The following PXK variants were observed in gnomAD, a reference collection of about 807,000 sequenced individuals.
The protein encoded by PXK is PX domain-containing protein kinase-like protein.
In PXK, 35 loss-of-function variants were observed where a neutral mutation model predicts 84.7. The ratio of observed to expected loss-of-function variants is 0.41; its 90% CI spans 0.32 to 0.55. PXK has a LOEUF of 0.55. Ranked by LOEUF, PXK falls within the 20% of genes least tolerant of loss-of-function variation. The pLI, the probability that PXK is intolerant of heterozygous loss-of-function variation, is 0.21. For synonymous variants in PXK, 253 were observed against 260.8 expected (o/e 0.97, Z 0.29); for missense variants, 634 against 699.7 (o/e 0.91, Z 1.06).
At chr3:58,359,842 T>A (rs114483250) in intron 1 of PXK, among the ~76,000 whole-genome samples, 2,156 of 152,260 alleles carry the variant, frequency 0.014, 63 homozygotes, top group African/African-American at 0.049. Flanking sequence ...TTGCATTAGC[T>A]TATTGCTTAA....
rs1356696685 is a variant in PXK at position 58,370,247 on chromosome 3, T to G, written c.201+769T>G. Among the ~76,000 whole-genome samples the G allele has an allele frequency of 2.0e-5, 3 of 152,210 alleles. No homozygotes were observed. The highest frequency in any genetic ancestry group is 2.9e-5 in the Non-Finnish European group (2 of 68,028). On this transcript the variant is annotated intron_variant, in intron 3 of 17. Coordinates refer to ENST00000356151, the MANE Select transcript of PXK (RefSeq NM_017771.5). The surrounding 1 kb of genome is among the most constrained non-coding windows in gnomAD (Gnocchi z 4.2). ...TCCTAAATATGTAGTTAGAAATCCC[T>G]TTGTTTTAAATGTTCCTAACTTGAG...
chr3:58,363,385 C>T (rs978990089), intron 1 of PXK, among the ~76,000 whole-genome samples: 2 of 152,150 alleles, frequency 1.3e-5, no homozygotes, highest in African/African-American at 4.8e-5. Flanking sequence ...GGCTGGAGTG[C>T]GGGTGCCAAC....
intron 13 of PXK, among the ~76,000 whole-genome samples, chr3:58,406,676 G>C (rs1331187147): frequency 6.6e-6 from 1 of 152,060 alleles, no homozygotes; most frequent in African/African-American, 2.4e-5. Context: ...TGTATAACAG[G>C]TCTCTAGAGC....
At position 58,407,163 on chromosome 3, in the gene PXK, T is replaced by C. The variant is rs1367418253; in HGVS notation, c.1231-1761T>C. Among the ~76,000 whole-genome samples the C allele has an allele frequency of 6.6e-6, 1 of 152,246 alleles. No homozygotes were observed. Among genetic ancestry groups the C allele is most frequent in the Non-Finnish European group, 1.5e-5 (1 of 68,044 alleles). On this transcript the variant is annotated intron_variant, in intron 13 of 17. Transcript: ENST00000356151. The surrounding 1 kb of genome is among the most constrained non-coding windows in gnomAD (Gnocchi z 4.3). ...GTTTTCCATAGCAGCTGTACTACTC[T>C]ACATTTCCACCAGCAGTGTACAAGG...
Position 58,390,912 on chromosome 3 carries a change from C to A in PXK, c.467-235C>A, listed in dbSNP as rs4390943. On this transcript the variant is annotated intron_variant, in intron 5 of 17. Transcript: ENST00000356151. The surrounding 1 kb of genome is among the most constrained non-coding windows in gnomAD (Gnocchi z 4.2). ...CCTTCTTCATCTATCTTTTTCACTA[C>A]ATCTAAACTGAAGTGCTACTTTCCT... Among the ~76,000 whole-genome samples the A allele has an allele frequency of 0.76, 114,849 of 152,102 alleles. 43,590 individuals carry two copies. Among genetic ancestry groups the A allele is most frequent in the South Asian group, 0.82 (3,940 of 4,832 alleles).
intron 1 of PXK, among the ~76,000 whole-genome samples, chr3:58,347,737 C>G (rs977670485): frequency 3.9e-5 from 6 of 152,066 alleles, no homozygotes; most frequent in African/African-American, 1.2e-4. Context: ...TGAGTGAATG[C>G]CTAGGAATGG....
At chr3:58,378,102 G>C (rs1052366048) in intron 3 of PXK, among the ~76,000 whole-genome samples, 1 of 152,192 alleles carries the variant, frequency 6.6e-6, no homozygotes, top group Non-Finnish European at 1.5e-5. Flanking sequence ...TCTTTAGGCT[G>C]GGGTATGCAG....
intron 4 of PXK, among the ~76,000 whole-genome samples, chr3:58,387,409 A>G (rs1001633787): frequency 6.6e-6 from 1 of 152,196 alleles, no homozygotes; most frequent in Non-Finnish European, 1.5e-5. Flanking sequence ...TGTGCTATGT[A>G]TGCAGCCAGG....
chr3:58,334,928 G>GGTGTGTGT (rs143395201), intron 1 of PXK, among the ~76,000 whole-genome samples: 5 of 130,428 alleles, frequency 3.8e-5, no homozygotes, highest in Admixed American at 7.7e-5. Context: ...TTATTGTAAG[G>GGTGTGTGT]GTGTGTGTGT....
At chr3:58,373,944 C>G (rs1468520062) in intron 3 of PXK, among the ~76,000 whole-genome samples, 1 of 150,696 alleles carries the variant, frequency 6.6e-6, no homozygotes, top group Non-Finnish European at 1.5e-5. Flanking sequence ...ACTCGGGAGG[C>G]TGAGGCAGGA....
intron 1 of PXK, among the ~76,000 whole-genome samples, chr3:58,336,677 G>A (rs2097619503): frequency 6.6e-6 from 1 of 152,156 alleles, no homozygotes; most frequent in Admixed American, 6.6e-5. Flanking sequence ...AAAGTTAGTA[G>A]ACTAAAAAAA....
intron 17 of PXK, among the ~76,000 whole-genome samples, chr3:58,423,941 C>T (rs35792042): frequency 0.065 from 9,884 of 152,240 alleles, 477 homozygotes; most frequent in South Asian, 0.1. Flanking sequence ...TTGCCCACTG[C>T]GGTACAGCAC....
Position 58,343,732 on chromosome 3 carries a change from C to T in PXK, c.102+10642C>T, listed in dbSNP as rs180885825. 4.3e-3 allele frequency among the ~76,000 whole-genome samples: 650 copies of T among 152,308 alleles called. 7 individuals are homozygous for T. The highest frequency in any genetic ancestry group is 0.014 in the African/African-American group (597 of 41,568). ...CTGGGTTGATTCAATTTCAAACTAG[C>T]CCAGTCCCTGGCACATAGATAGTAA... is the stretch of plus-strand genomic sequence containing the variant. On this transcript the variant is annotated intron_variant, in intron 1 of 17. Coordinates refer to ENST00000356151, the MANE Select transcript of PXK (RefSeq NM_017771.5).
At chr3:58,404,006 T>A in intron 13 of PXK, 96 bp downstream of exon 13, 1 of 791,580 alleles carries the variant, frequency 1.3e-6, no homozygotes, top group Non-Finnish European at 1.8e-6. Flanking sequence ...AGATATATAA[T>A]AGGGAAAATT....
At chr3:58,423,525 C>T in intron 17 of PXK, 1 of 1,535,764 alleles carries the variant, frequency 6.5e-7, no homozygotes, top group Non-Finnish European at 8.7e-7. Flanking sequence ...AGACTTTAAC[C>T]CATACCTGTC....
At chr3:58,394,417 A>C (rs1170546806) in intron 7 of PXK, among the ~76,000 whole-genome samples, 1 of 152,186 alleles carries the variant, frequency 6.6e-6, no homozygotes, top group Admixed American at 6.5e-5. Flanking sequence ...ATGTTGCAGA[A>C]TTCTATAGAA....
chr3:58,358,655 G>T (rs2098130415), intron 1 of PXK, among the ~76,000 whole-genome samples: 1 of 152,078 alleles, frequency 6.6e-6, no homozygotes. Context: ...TGCATTACAG[G>T]ACATTTAGCA....
Position 58,333,797 on chromosome 3 carries a change from C to G in PXK, c.102+707C>G, listed in dbSNP as rs570375915. ...AGGAGTAATAGGTCCTCATAGTAAA[C>G]ATTGGCAGGGTTCATTTCTGCTACA... On this transcript the variant is annotated intron_variant, in intron 1 of 17. Transcript: ENST00000356151. The surrounding 1 kb of genome is among the most constrained non-coding windows in gnomAD (Gnocchi z 5.4). 2.6e-5 allele frequency among the ~76,000 whole-genome samples: 4 copies of G among 152,098 alleles called. No individual in the cohort carries two copies. The highest frequency in any genetic ancestry group is 4.8e-5 in the African/African-American group (2 of 41,498).
intron 1 of PXK, among the ~76,000 whole-genome samples, chr3:58,336,071 A>ATATATATATATATATATT (rs1284780630): frequency 7.8e-5 from 4 of 51,568 alleles, no homozygotes; most frequent in Non-Finnish European, 1.3e-4. Flanking sequence ...ATATATATAT[A>ATATATATATATATATATT]TTTTTTTTTT....
Sources: allele counts gnomAD v4.1 joint callset (sites outside exome capture counted in the v4.1 genomes callset), GRCh38; gene constraint gnomAD v4.1.1; non-coding constraint Gnocchi (gnomAD v3.1); transcripts MANE v1.5; gene names NCBI Gene and HGNC (gene_info 2026-07-23, HGNC 2026-07-21).